The following RORA variants were observed in gnomAD, a reference collection of about 807,000 sequenced individuals.
RORA encodes nuclear receptor ROR-alpha.
Under a neutral mutation model 69.5 loss-of-function variants are expected in RORA, and 7 were observed. That is an observed-to-expected ratio of 0.10 (90% CI 0.06 to 0.19). The LOEUF (loss-of-function observed/expected upper bound fraction) is 0.19. Ranked by LOEUF, RORA falls within the 10% of genes least tolerant of loss-of-function variation. The probability of loss-of-function intolerance (pLI) is 1.00; values close to 1 mark genes in which losing one functional copy is unlikely to be tolerated. For synonymous variants in RORA, 261 were observed against 240.8 expected (o/e 1.08, Z -0.78); for missense variants, 457 against 663.0 (o/e 0.69, Z 3.41).
chr15:61,034,134 G>A (rs1457309563), intron 1 of RORA, among the ~76,000 whole-genome samples: 1 of 152,110 alleles, frequency 6.6e-6, no homozygotes, highest in African/African-American at 2.4e-5. Flanking sequence ...TTTAAAGACT[G>A]TTAAAGTTCT....
Position 61,161,490 on chromosome 15 carries a change from G to C in RORA, c.166+67563C>G, listed in dbSNP as rs1014607629. On this transcript the variant is annotated intron_variant, in intron 1 of 10. Coordinates refer to ENST00000335670, the MANE Select transcript of RORA (RefSeq NM_134261.3). ...AAGAATAAGTAACATCTATCTCACA[G>C]ACTGGCTGGGAGAACGTAATGAAAT... Among the ~76,000 whole-genome samples the C allele has an allele frequency of 4.6e-5, 7 of 152,250 alleles. No homozygotes were observed. In the South Asian group the frequency reaches 1.2e-3, roughly 27 times the overall value.
At chr15:60,509,095 G>T (rs1446958296) in intron 5 of RORA, among the ~76,000 whole-genome samples, 1 of 152,162 alleles carries the variant, frequency 6.6e-6, no homozygotes, top group Non-Finnish European at 1.5e-5. Flanking sequence ...GAAGTCAAGA[G>T]TCTTAGTTAA....
rs894660359 is a variant in RORA at position 60,493,478 on chromosome 15, A to C, written c.*3977T>G. ...CATACTACTTAAACCTTTTCATGAA[A>C]GATACTACTAGGTTGTTTTGCATTT... is the stretch of plus-strand genomic sequence containing the variant. On this transcript the variant is annotated 3_prime_UTR_variant, in exon 11 of 11. Transcript: ENST00000335670. 3 of 152,224 alleles carry C rather than the reference A, an allele frequency of 2.0e-5. No individual in the cohort carries two copies. Among genetic ancestry groups the C allele is most frequent in the Admixed American group, 6.5e-5 (1 of 15,280 alleles). 9.4% of individuals were successfully genotyped at this position (152,224 alleles called of 1,614,324 possible).
At chr15:60,844,313 C>T (rs1298120889) in intron 1 of RORA, among the ~76,000 whole-genome samples, 2 of 152,138 alleles carry the variant, frequency 1.3e-5, no homozygotes, top group Non-Finnish European at 2.9e-5. Context: ...ACAGAGGGAA[C>T]AAAAGAATTA....
chr15:61,159,205 G>A (rs994040614), intron 1 of RORA, among the ~76,000 whole-genome samples: 8 of 152,102 alleles, frequency 5.3e-5, no homozygotes, highest in Non-Finnish European at 1.2e-4. Flanking sequence ...CCTATATCAA[G>A]AGTCCCATTT....
intron 1 of RORA, among the ~76,000 whole-genome samples, chr15:60,748,548 C>T (rs745704056): frequency 3.3e-5 from 5 of 152,330 alleles, no homozygotes; most frequent in Middle Eastern, 3.4e-3. Context: ...TCTTAGTCAA[C>T]TTGTCCTGAG....
At chr15:61,160,002 T>C (rs2079480769) in intron 1 of RORA, among the ~76,000 whole-genome samples, 1 of 152,194 alleles carries the variant, frequency 6.6e-6, no homozygotes, top group Non-Finnish European at 1.5e-5. Context: ...CTCATTCCAG[T>C]TCCTTCTCTG....
chr15:60,834,427 G>A (rs1297297891), intron 1 of RORA, among the ~76,000 whole-genome samples: 1 of 152,174 alleles, frequency 6.6e-6, no homozygotes. Context: ...ACATGAACAC[G>A]AGTAAAAATC....
At chr15:60,986,943 G>A (rs1478279246) in intron 1 of RORA, among the ~76,000 whole-genome samples, 1 of 152,028 alleles carries the variant, frequency 6.6e-6, no homozygotes. Context: ...AAAGCACTTT[G>A]GTTTTTTCAT....
intron 1 of RORA, among the ~76,000 whole-genome samples, chr15:61,090,861 G>A (rs890023047): frequency 6.6e-6 from 1 of 150,814 alleles, no homozygotes; most frequent in South Asian, 2.1e-4. Flanking sequence ...CCCCCAAAAC[G>A]CCCCCCAAAA....
rs1448908912 is a variant in RORA, at chr15:60,592,312, C to T, written c.197-60461G>A. 3 of 1,119,304 alleles carry T rather than the reference C, an allele frequency of 2.7e-6. No homozygotes were observed. In the African/African-American group the frequency reaches 5.0e-5, roughly 18 times the overall value. The allele number at this position is 1,119,304 out of a possible 1,614,324, so 69.3% of individuals were successfully genotyped here. A position where few individuals can be genotyped will look rare whatever the true frequency, so the allele number is the denominator to read the frequency against. The stretch of plus-strand genomic sequence containing the variant: ...TGCGTTCGGGCAGGCGCGCCCACCC[C>T]TCCCCCTGCGCGCCCTCCTCCCCGC... On this transcript the variant is annotated intron_variant, in intron 2 of 10. Transcript: ENST00000335670.
rs181239799 is a variant in RORA at position 61,208,193 on chromosome 15, A to G, written c.166+20860T>C. 9.0e-4 allele frequency among the ~76,000 whole-genome samples: 137 copies of G among 152,358 alleles called. 1 individual carries two copies. The highest frequency in any genetic ancestry group is 1.4e-3 in the Non-Finnish European group (95 of 68,044). ...TGAATGAATAAACAAAATGTGATAC[A>G]TCCACATAATGGAAGATTATTCAGC... On this transcript the variant is annotated intron_variant, in intron 1 of 10. Coordinates refer to ENST00000335670, the MANE Select transcript of RORA (RefSeq NM_134261.3).
chr15:61,033,127 G>C (rs1318510997), intron 1 of RORA, among the ~76,000 whole-genome samples: 2 of 152,082 alleles, frequency 1.3e-5, no homozygotes, highest in Admixed American at 1.3e-4. Flanking sequence ...CGCTCTCTTG[G>C]CTATACCCCA....
intron 1 of RORA, among the ~76,000 whole-genome samples, chr15:60,791,278 G>A (rs1023185407): frequency 2.6e-5 from 4 of 152,126 alleles, no homozygotes; most frequent in African/African-American, 9.7e-5. Flanking sequence ...CGGAGACAAA[G>A]TGTTTTGAAA....
chr15:60,829,959 A>G (rs993941945), intron 1 of RORA, among the ~76,000 whole-genome samples: 2 of 152,202 alleles, frequency 1.3e-5, no homozygotes, highest in African/African-American at 4.8e-5. Flanking sequence ...ATACAGTGGG[A>G]GCACAACAAA....
At chr15:60,522,040 A>G (rs2066184875) in intron 3 of RORA, among the ~76,000 whole-genome samples, 1 of 152,210 alleles carries the variant, frequency 6.6e-6, no homozygotes, top group Non-Finnish European at 1.5e-5. Context: ...ACTGGGACAG[A>G]GGCCATGGTG....
intron 1 of RORA, among the ~76,000 whole-genome samples, chr15:60,846,222 G>A (rs1002725219): frequency 2.0e-5 from 3 of 152,176 alleles, no homozygotes; most frequent in East Asian, 1.9e-4. Context: ...GGCTGTCAGG[G>A]CTCAGGTCTA....
chr15:60,993,579 G>T (rs1195387623), intron 1 of RORA, among the ~76,000 whole-genome samples: 1 of 139,240 alleles, frequency 7.2e-6, no homozygotes, highest in Admixed American at 7.9e-5. Flanking sequence ...GGGGGCGGAG[G>T]TTGCAGTGAG....
At chr15:60,896,482 G>T (rs4774376) in intron 1 of RORA, among the ~76,000 whole-genome samples, 2 of 152,264 alleles carry the variant, frequency 1.3e-5, no homozygotes, top group African/African-American at 4.8e-5. Flanking sequence ...ACCCACACAG[G>T]AAGTCTTAGT....
Sources: allele counts gnomAD v4.1 joint callset (sites outside exome capture counted in the v4.1 genomes callset), GRCh38; gene constraint gnomAD v4.1.1; transcripts MANE v1.5; gene names NCBI Gene and HGNC (gene_info 2026-07-23, HGNC 2026-07-21).